The following NIBAN1 variants were observed in gnomAD, a reference collection of about 807,000 sequenced individuals.
NIBAN1 encodes the protein protein Niban 1.
Under a neutral mutation model 75.1 loss-of-function variants are expected in NIBAN1, and 81 were observed. That is an observed-to-expected ratio of 1.08 (90% CI 0.90 to 1.30). The LOEUF is 1.30. NIBAN1 is among the 50% of genes most tolerant of loss of function. The pLI, the probability that NIBAN1 is intolerant of heterozygous loss-of-function variation, is 0.00. For missense variants in NIBAN1, 1,133 were observed against 1,128.1 expected, an observed-to-expected ratio of 1.00 and a Z score of -0.06; for synonymous variants, 436 against 424.8, an observed-to-expected ratio of 1.03 and a Z score of -0.32.
At chr1:184,861,538 G>A (rs1655814290) in intron 5 of NIBAN1, among the ~76,000 whole-genome samples, 1 of 150,362 alleles carries the variant, frequency 6.7e-6, no homozygotes, top group Non-Finnish European at 1.5e-5. Context: ...GGGAGGAAGG[G>A]AGGAAGGGAG....
intron 2 of NIBAN1, among the ~76,000 whole-genome samples, chr1:184,898,938 A>G (rs898360522): frequency 4.6e-5 from 7 of 152,254 alleles, no homozygotes; most frequent in African/African-American, 1.7e-4. Context: ...CAAAGCATCC[A>G]TGTGGGAAAA....
rs974865922 is a variant in NIBAN1 at position 184,830,663 on chromosome 1, A to G, written c.717+1184T>C. On this transcript the variant is annotated intron_variant, in intron 6 of 13. Transcript: ENST00000367511. The stretch of plus-strand genomic sequence containing the variant: ...CTCCAAATATTGTTCTCTAATAATG[A>G]ATTTCACTAGCTCCCAAAAGAGGTA... Among the ~76,000 whole-genome samples, 3 of 152,086 alleles carry G rather than the reference A, an allele frequency of 2.0e-5. No individual in the cohort carries two copies. In the East Asian group the frequency reaches 5.8e-4, roughly 29 times the overall value.
At chr1:184,891,149 C>A (rs1185244948) in intron 3 of NIBAN1, among the ~76,000 whole-genome samples, 1 of 152,146 alleles carries the variant, frequency 6.6e-6, no homozygotes, top group East Asian at 1.9e-4. Context: ...AACAAACTCT[C>A]AGATATCTAA....
At chr1:184,820,470 C>A (rs1654665115) in intron 8 of NIBAN1, among the ~76,000 whole-genome samples, 1 of 152,222 alleles carries the variant, frequency 6.6e-6, no homozygotes, top group Non-Finnish European at 1.5e-5. Flanking sequence ...CATCCTACTC[C>A]TCTCTTCAAG....
intron 5 of NIBAN1, 91 bp downstream of exon 5, chr1:184,884,542 A>G: frequency 1.3e-6 from 2 of 1,522,476 alleles, no homozygotes; most frequent in South Asian, 2.5e-5. Context: ...GGCTCTTTCT[A>G]AGAATCACTG....
intron 5 of NIBAN1, among the ~76,000 whole-genome samples, chr1:184,859,794 A>T (rs949396047): frequency 6.6e-6 from 1 of 151,546 alleles, no homozygotes; most frequent in Non-Finnish European, 1.5e-5. Context: ...GTGGCTACCC[A>T]GTAGATATTT....
At chr1:184,908,974 T>C (rs1571565501) in intron 1 of NIBAN1, among the ~76,000 whole-genome samples, 1 of 152,208 alleles carries the variant, frequency 6.6e-6, no homozygotes, top group South Asian at 2.1e-4. Flanking sequence ...TTTTGCCCAT[T>C]AGACAACCTT....
chr1:184,879,556 G>T (rs10797991), intron 5 of NIBAN1, among the ~76,000 whole-genome samples: 28,233 of 152,064 alleles, frequency 0.19, 3,325 homozygotes, highest in South Asian at 0.28. Flanking sequence ...AAATAGAGCT[G>T]AGATTTGCTG....
intron 1 of NIBAN1, among the ~76,000 whole-genome samples, chr1:184,966,978 G>A (rs1193114525): frequency 1.3e-5 from 2 of 152,084 alleles, no homozygotes; most frequent in Admixed American, 1.3e-4. Flanking sequence ...CCTGCAATTT[G>A]CAAAAGTGAA....
In NIBAN1 at chr1:184,791,560, C is replaced by G. The variant is rs1458327680; in HGVS notation, c.*3417G>C. ...GCACTTATGTCTCTGCTTAAAGCTACAAGGGAAAAAATGACAAGCCCAGTT... is the reference window on the plus strand; with the variant it reads ...GCACTTATGTCTCTGCTTAAAGCTAGAAGGGAAAAAATGACAAGCCCAGTT... On this transcript the variant is annotated 3_prime_UTR_variant, in exon 14 of 14. Transcript: ENST00000367511. 2 of 148,750 alleles carry G rather than the reference C, an allele frequency of 1.3e-5. No individual in the cohort carries two copies. The highest frequency in any genetic ancestry group is 6.7e-5 in the Admixed American group (1 of 14,946). The allele number at this position is 148,750 out of a possible 1,614,324, so 9.2% of individuals were successfully genotyped here.
chr1:184,819,023 T>C (rs1654618270), intron 8 of NIBAN1, among the ~76,000 whole-genome samples, 198 bp from the exon 9 acceptor site: 1 of 152,138 alleles, frequency 6.6e-6, no homozygotes, highest in Non-Finnish European at 1.5e-5. Context: ...CTTTCAGAAC[T>C]GGACCAAACC....
chr1:184,908,509 G>T (rs1387541715), intron 1 of NIBAN1, among the ~76,000 whole-genome samples: 1 of 152,038 alleles, frequency 6.6e-6, no homozygotes, highest in African/African-American at 2.4e-5. Flanking sequence ...CTAAAATCCC[G>T]CTGTGGTCAA....
chr1:184,958,677 AT>A (rs1390743062), intron 1 of NIBAN1, among the ~76,000 whole-genome samples: 1 of 152,182 alleles, frequency 6.6e-6, no homozygotes, highest in Non-Finnish European at 1.5e-5. Flanking sequence ...TACTACAGTG[AT>A]TATCATTTCT....
intron 5 of NIBAN1, among the ~76,000 whole-genome samples, chr1:184,869,574 ACT>A (rs1656044423): frequency 6.7e-6 from 1 of 149,166 alleles, no homozygotes; most frequent in Non-Finnish European, 1.5e-5. Flanking sequence ...ACAGAGTTTC[ACT>A]CTGTTTCCCA....
chr1:184,840,495 A>G (rs1655254967), intron 5 of NIBAN1, among the ~76,000 whole-genome samples: 1 of 152,080 alleles, frequency 6.6e-6, no homozygotes. Context: ...TCTCAAACAA[A>G]TGGAAGAATG....
intron 1 of NIBAN1, among the ~76,000 whole-genome samples, chr1:184,940,120 G>C (rs1037217171): frequency 6.6e-6 from 1 of 152,130 alleles, no homozygotes; most frequent in Non-Finnish European, 1.5e-5. Flanking sequence ...ATAGGTGAAG[G>C]GGCCAGGTCC....
intron 1 of NIBAN1, among the ~76,000 whole-genome samples, chr1:184,904,918 C>G (rs1309986852): frequency 6.9e-5 from 10 of 144,260 alleles, no homozygotes; most frequent in Non-Finnish European, 1.5e-4. Flanking sequence ...ACCACTGCAC[C>G]CTAGGTGACA....
chr1:184,906,669 T>C (rs1183880790), intron 1 of NIBAN1, among the ~76,000 whole-genome samples: 3 of 152,132 alleles, frequency 2.0e-5, no homozygotes, highest in African/African-American at 7.2e-5. Context: ...AATCAGACTC[T>C]TACAAGTTAA....
chr1:184,830,703 G>GA (rs922821103), intron 6 of NIBAN1, among the ~76,000 whole-genome samples: 79 of 149,386 alleles, frequency 5.3e-4, no homozygotes, highest in Middle Eastern at 3.4e-3. Context: ...AGGAGATGTG[G>GA]AAAAAAAAAA....
Sources: allele counts gnomAD v4.1 joint callset (sites outside exome capture counted in the v4.1 genomes callset), GRCh38; gene constraint gnomAD v4.1.1; transcripts MANE v1.5; gene names NCBI Gene and HGNC (gene_info 2026-07-23, HGNC 2026-07-21).